The following NDST4 variants were observed in gnomAD, a reference collection of about 807,000 sequenced individuals.
NDST4 encodes N-deacetylase and N-sulfotransferase 4, also known as N-heparan sulfate sulfotransferase 4.
Under a neutral mutation model 100.8 loss-of-function variants are expected in NDST4, and 63 were observed. The ratio of observed to expected loss-of-function variants is 0.62; its 90% confidence interval spans 0.51 to 0.77. NDST4 has a LOEUF of 0.77. Ranked by LOEUF, NDST4 falls within the 30% of genes least tolerant of loss-of-function variation. The probability of loss-of-function intolerance (pLI) is 0.00; values close to 1 mark genes in which losing one functional copy is unlikely to be tolerated. For synonymous variants in NDST4, 377 were observed against 361.8 expected, an observed-to-expected ratio of 1.04 and a Z score of -0.48; for missense variants, 943 against 1,018.4, an observed-to-expected ratio of 0.93 and a Z score of 1.01.
chr4:114,969,246 G>A (rs1373036234), intron 4 of NDST4, among the ~76,000 whole-genome samples: 1 of 149,694 alleles, frequency 6.7e-6, no homozygotes, highest in East Asian at 2.0e-4. Context: ...CCCGGGAGGC[G>A]GAGCTTGCAG....
chr4:115,039,181 C>G (rs1028227274), intron 2 of NDST4, among the ~76,000 whole-genome samples: 1 of 151,980 alleles, frequency 6.6e-6, no homozygotes, highest in African/African-American at 2.4e-5. Flanking sequence ...TCATGTAGTA[C>G]CAGCATTTGT....
chr4:114,895,681 A>G (rs1724698447), intron 6 of NDST4, among the ~76,000 whole-genome samples: 1 of 152,180 alleles, frequency 6.6e-6, no homozygotes, highest in East Asian at 1.9e-4. Flanking sequence ...AGACACACAA[A>G]AAAGGAAAAC....
chr4:115,044,045 A>G (rs1241865315), intron 2 of NDST4, among the ~76,000 whole-genome samples: 1 of 152,098 alleles, frequency 6.6e-6, no homozygotes, highest in East Asian at 1.9e-4. Context: ...TTCTTTCTAT[A>G]TTTGATGCAT....
chr4:114,851,661 A>G (rs1467586692), intron 8 of NDST4, among the ~76,000 whole-genome samples: 1 of 152,228 alleles, frequency 6.6e-6, no homozygotes, highest in Non-Finnish European at 1.5e-5. Context: ...TAGTCACTCC[A>G]GAGTTAGCAA....
chr4:114,931,798 A>T (rs1342717622), intron 6 of NDST4, among the ~76,000 whole-genome samples: 1 of 151,950 alleles, frequency 6.6e-6, no homozygotes. Context: ...GTCATGAAGA[A>T]ATAGGAAATC....
intron 2 of NDST4, among the ~76,000 whole-genome samples, chr4:115,075,591 C>A (rs979456655): frequency 6.6e-6 from 1 of 151,978 alleles, no homozygotes; most frequent in Non-Finnish European, 1.5e-5. Context: ...TTAAGACCAG[C>A]CTGGCCAAGA....
chr4:114,844,760 A>T lies in NDST4; in HGVS notation c.2115+1063T>A, dbSNP rs564592271. Reference sequence around the variant, plus strand: ...AGAATATTCCATTTTAGTATGACACAAATCTATGTCAATGAACACTTTCCT... The same window carrying T: ...AGAATATTCCATTTTAGTATGACACTAATCTATGTCAATGAACACTTTCCT... On this transcript the variant is annotated intron_variant, in intron 10 of 13. Transcript: ENST00000264363. 6.8e-4 allele frequency among the ~76,000 whole-genome samples: 104 copies of T among 152,214 alleles called. 1 individual carries two copies. Among genetic ancestry groups the T allele is most frequent in the Non-Finnish European group, 3.4e-4 (23 of 68,042 alleles).
intron 2 of NDST4, among the ~76,000 whole-genome samples, chr4:115,073,453 G>T (rs542632651): frequency 1.3e-5 from 2 of 152,000 alleles, no homozygotes; most frequent in South Asian, 2.1e-4. Context: ...AGAAAATGGG[G>T]TACATATACA....
At chr4:115,042,187 T>C (rs1728365091) in intron 2 of NDST4, among the ~76,000 whole-genome samples, 1 of 152,116 alleles carries the variant, frequency 6.6e-6, no homozygotes, top group African/African-American at 2.4e-5. Flanking sequence ...TGATGAAATA[T>C]TGTGCTGCCC....
intron 11 of NDST4, 48 bp from the exon 12 acceptor site, chr4:114,833,763 A>G: frequency 8.5e-7 from 1 of 1,176,276 alleles, no homozygotes; most frequent in South Asian, 1.3e-5. Flanking sequence ...ATTAAATTGA[A>G]TAGACTGTGA....
At chr4:114,834,167 C>T (rs1723260490) in intron 11 of NDST4, among the ~76,000 whole-genome samples, 1 of 152,098 alleles carries the variant, frequency 6.6e-6, no homozygotes, top group African/African-American at 2.4e-5. Context: ...AATGTTTGTC[C>T]ATGCCTTACT....
intron 6 of NDST4, among the ~76,000 whole-genome samples, chr4:114,884,870 T>G (rs900672865): frequency 3.3e-5 from 5 of 152,140 alleles, no homozygotes; most frequent in Non-Finnish European, 7.4e-5. Context: ...TATTAAATTT[T>G]TGATTAAAGT....
intron 2 of NDST4, among the ~76,000 whole-genome samples, chr4:115,037,664 AT>A (rs1044677754): frequency 3.3e-5 from 5 of 152,088 alleles, no homozygotes; most frequent in African/African-American, 1.2e-4. Flanking sequence ...ATGTTCAGCA[AT>A]TTTTTTAAAT....
chr4:114,901,419 C>T (rs181839680), intron 6 of NDST4, among the ~76,000 whole-genome samples: 6 of 152,108 alleles, frequency 3.9e-5, no homozygotes, highest in Admixed American at 3.9e-4. Flanking sequence ...TGTTCTGAAG[C>T]CTGCTCTGTC....
intron 4 of NDST4, among the ~76,000 whole-genome samples, chr4:114,960,774 T>A (rs1159975299): frequency 2.0e-5 from 3 of 152,020 alleles, no homozygotes; most frequent in African/African-American, 7.2e-5. Flanking sequence ...CATATTGAAG[T>A]AAGGAAGTAA....
intron 2 of NDST4, among the ~76,000 whole-genome samples, chr4:115,014,730 G>T (rs936545903): frequency 1.3e-5 from 2 of 152,130 alleles, no homozygotes; most frequent in Admixed American, 1.3e-4. Context: ...AGTGATCACA[G>T]CAAAATCCCT....
intron 1 of NDST4, among the ~76,000 whole-genome samples, chr4:115,087,746 A>G (rs1729436894): frequency 6.6e-6 from 1 of 151,886 alleles, no homozygotes; most frequent in African/African-American, 2.4e-5. Context: ...TAGATGTAAT[A>G]TTATTAGCCA....
chr4:114,948,925 T>C (rs1725928932), intron 4 of NDST4, among the ~76,000 whole-genome samples: 1 of 152,068 alleles, frequency 6.6e-6, no homozygotes, highest in Non-Finnish European at 1.5e-5. Context: ...GAAAGAGTTG[T>C]TTTAACTAAT....
chr4:114,837,788 C>T (rs1272687227), intron 11 of NDST4, among the ~76,000 whole-genome samples: 1 of 152,156 alleles, frequency 6.6e-6, no homozygotes, highest in Non-Finnish European at 1.5e-5. Flanking sequence ...ATGACTAAAA[C>T]ACACAAAGCA....
Sources: allele counts gnomAD v4.1 joint callset (sites outside exome capture counted in the v4.1 genomes callset), GRCh38; gene constraint gnomAD v4.1.1; transcripts MANE v1.5; gene names NCBI Gene and HGNC (gene_info 2026-07-23, HGNC 2026-07-21).